Variants in NKAIN3 observed in about 807,000 individuals in gnomAD.
The protein encoded by NKAIN3 is sodium/potassium-transporting ATPase subunit beta-1-interacting protein 3.
Under a neutral mutation model 30.2 loss-of-function variants are expected in NKAIN3, and 25 were observed. The observed-to-expected ratio is 0.83, with a 90% CI of 0.60 to 1.16. The LOEUF is 1.16. Ranked by LOEUF, NKAIN3 falls within the 50% of genes most tolerant of loss-of-function variation. NKAIN3 has a pLI of 0.00. For synonymous variants in NKAIN3, 91 were observed against 89.6 expected (o/e 1.02, Z -0.09); for missense variants, 225 against 254.1 (o/e 0.89, Z 0.78).
intron 5 of NKAIN3, among the ~76,000 whole-genome samples, chr8:62,996,805 C>G (rs368974513): frequency 1.3e-5 from 2 of 152,232 alleles, no homozygotes; most frequent in Admixed American, 1.3e-4. Context: ...GTAATGATCT[C>G]CTTTGACTCC....
At chr8:62,261,347 C>T (rs1053409802) in intron 1 of NKAIN3, among the ~76,000 whole-genome samples, 8 of 151,848 alleles carry the variant, frequency 5.3e-5, no homozygotes, top group African/African-American at 1.9e-4. Context: ...CATTGCATAA[C>T]TGATTTGTTG....
chr8:62,892,922 A>G (rs10957253), intron 4 of NKAIN3, among the ~76,000 whole-genome samples: 117,365 of 152,086 alleles, frequency 0.77, 46,113 homozygotes, highest in East Asian at 0.92. Flanking sequence ...CATGACCTAA[A>G]AAATAAAGGG....
At chr8:62,483,625 T>G (rs1806804262) in intron 1 of NKAIN3, 1 of 183,734 alleles carries the variant, frequency 5.4e-6, no homozygotes, top group Admixed American at 6.2e-5. Context: ...ATGATTTGAA[T>G]GGGTAATCTT....
At chr8:62,495,279 A>T (rs1025969554) in intron 1 of NKAIN3, among the ~76,000 whole-genome samples, 1 of 152,162 alleles carries the variant, frequency 6.6e-6, no homozygotes, top group African/African-American at 2.4e-5. Flanking sequence ...GTACTAGAAT[A>T]AGAGTATTGA....
intron 3 of NKAIN3, among the ~76,000 whole-genome samples, chr8:62,635,397 C>T (rs1302917957): frequency 6.6e-6 from 1 of 152,120 alleles, no homozygotes; most frequent in Admixed American, 6.5e-5. Flanking sequence ...AAGTCAAATC[C>T]TGTGCTTCTT....
intron 3 of NKAIN3, among the ~76,000 whole-genome samples, chr8:62,647,795 T>C (rs949743104): frequency 8.8e-4 from 134 of 152,312 alleles, no homozygotes; most frequent in African/African-American, 3.2e-3. Context: ...AGGCATAAAA[T>C]CTAAAGTAAG....
rs1053160515 is a variant in NKAIN3 at position 62,248,969 on chromosome 8, G to A, written c.-105G>A. ...CCGCGAGCGGCGGCCGCGGGGCCGA[G>A]GAGCCTGGGCCGGGCCGGGCGGGGA... On this transcript the variant is annotated 5_prime_UTR_variant, in exon 1 of 7. Transcript: ENST00000623646. 18 of 1,080,018 alleles carry A rather than the reference G, an allele frequency of 1.7e-5. No individual in the cohort carries two copies. The highest frequency in any genetic ancestry group is 2.4e-5 in the Non-Finnish European group (18 of 765,474). The allele number at this position is 1,080,018 out of a possible 1,614,324, so 66.9% of individuals were successfully genotyped here. A position where few individuals can be genotyped will look rare whatever the true frequency, so the allele number is the denominator to read the frequency against.
intron 4 of NKAIN3, chr8:62,863,214 A>T: frequency 6.4e-7 from 1 of 1,555,702 alleles, no homozygotes; most frequent in South Asian, 1.1e-5. Flanking sequence ...CCAATAACTC[A>T]GCCTGCCTCT....
chr8:62,858,651 A>T (rs939706883), intron 4 of NKAIN3, among the ~76,000 whole-genome samples: 1 of 152,204 alleles, frequency 6.6e-6, no homozygotes, highest in Non-Finnish European at 1.5e-5. Context: ...CAAAGCAGCT[A>T]TGCTGCACTG....
At chr8:62,441,709 A>G (rs922298965) in intron 1 of NKAIN3, among the ~76,000 whole-genome samples, 1 of 151,982 alleles carries the variant, frequency 6.6e-6, no homozygotes, top group Non-Finnish European at 1.5e-5. Context: ...AATAATTTTT[A>G]TCTATTCCTA....
chr8:62,468,295 G>T (rs951413289), intron 1 of NKAIN3, among the ~76,000 whole-genome samples: 20 of 152,220 alleles, frequency 1.3e-4, no homozygotes, highest in African/African-American at 4.8e-4. Context: ...AACCAGGAAA[G>T]GTGAAATTTT....
chr8:62,995,961 A>T (rs1804103036), intron 5 of NKAIN3, among the ~76,000 whole-genome samples: 1 of 152,202 alleles, frequency 6.6e-6, no homozygotes, highest in Admixed American at 6.5e-5. Context: ...GTCTGTGAAC[A>T]AGCTCTGCAG....
chr8:62,317,030 T>C (rs1814660699), intron 1 of NKAIN3, among the ~76,000 whole-genome samples: 1 of 152,218 alleles, frequency 6.6e-6, no homozygotes, highest in African/African-American at 2.4e-5. Context: ...TGGCCAGTGA[T>C]GATGAGCATT....
At chr8:62,851,110 C>T (rs62510776) in intron 4 of NKAIN3, among the ~76,000 whole-genome samples, 15,965 of 151,050 alleles carry the variant, frequency 0.11, 916 homozygotes, top group African/African-American at 0.15. Flanking sequence ...CTTCCATTTG[C>T]TTGTATCCTC....
At chr8:62,815,961 A>G (rs932255628) in intron 4 of NKAIN3, among the ~76,000 whole-genome samples, 2 of 152,114 alleles carry the variant, frequency 1.3e-5, no homozygotes, top group Admixed American at 6.6e-5. Context: ...TGAATTATCT[A>G]TCTGTACTCC....
rs79879782 is a variant in NKAIN3 at position 62,861,263 on chromosome 8, T to C, written c.472-57190T>C. ...TGGTCTTAGTCACACACACAAACCA[T>C]AGTGTCATGACTGAGTAACTCCTCG... On this transcript the variant is annotated intron_variant, in intron 4 of 6. Coordinates refer to ENST00000623646, the MANE Select transcript of NKAIN3 (RefSeq NM_001304533.3). 5.5e-4 allele frequency among the ~76,000 whole-genome samples: 83 copies of C among 152,286 alleles called. No individual in the cohort carries two copies. The East Asian group carries it at 0.014, about 26-fold the overall frequency.
intron 1 of NKAIN3, among the ~76,000 whole-genome samples, chr8:62,451,671 A>G (rs1195991966): frequency 2.0e-5 from 3 of 152,186 alleles, no homozygotes; most frequent in Non-Finnish European, 4.4e-5. Flanking sequence ...ACAGTCAAGT[A>G]TCTTGAGGCT....
chr8:62,498,198 G>T (rs1048858234), intron 1 of NKAIN3, among the ~76,000 whole-genome samples: 3 of 152,078 alleles, frequency 2.0e-5, no homozygotes, highest in African/African-American at 7.2e-5. Flanking sequence ...AAACAAAGTG[G>T]CATGAAGATA....
intron 4 of NKAIN3, among the ~76,000 whole-genome samples, chr8:62,881,092 G>A (rs1204793054): frequency 6.6e-6 from 1 of 152,090 alleles, no homozygotes; most frequent in Non-Finnish European, 1.5e-5. Context: ...TATTACAAGT[G>A]TAATATATTG....
Sources: gnomAD v4.1 joint callset for allele counts (sites outside exome capture counted in the v4.1 genomes callset) on GRCh38, gnomAD v4.1.1 for gene constraint, MANE v1.5 for transcripts, NCBI Gene and HGNC (gene_info 2026-07-23, HGNC 2026-07-21) for gene names.